GAS7: variants seen among roughly 807,000 people sequenced by gnomAD.
GAS7 encodes the protein growth arrest-specific protein 7.
Under a neutral mutation model 71.1 loss-of-function variants are expected in GAS7, and 28 were observed. The ratio of observed to expected loss-of-function variants is 0.39; its 90% CI spans 0.29 to 0.54. The LOEUF is 0.54. GAS7 is among the 20% of genes least tolerant of loss of function. GAS7 has a pLI of 0.62. For synonymous variants in GAS7, 258 were observed against 245.8 expected, an observed-to-expected ratio of 1.05 and a Z score of -0.46; for missense variants, 436 against 627.8, an observed-to-expected ratio of 0.69 and a Z score of 3.27.
At chr17:9,986,780 G>C (rs1403624446) in intron 2 of GAS7, among the ~76,000 whole-genome samples, 1 of 152,208 alleles carries the variant, frequency 6.6e-6, no homozygotes, top group East Asian at 1.9e-4. Flanking sequence ...CAGGGACGAT[G>C]CAGCTGCCTG....
At chr17:9,924,257 T>C (rs899631050) in intron 11 of GAS7, among the ~76,000 whole-genome samples, 1 of 152,228 alleles carries the variant, frequency 6.6e-6, no homozygotes, top group African/African-American at 2.4e-5. Flanking sequence ...CACCGCAGCC[T>C]TAACCTCCTG....
At chr17:10,129,385 A>C (rs2073978464) in intron 1 of GAS7, among the ~76,000 whole-genome samples, 1 of 152,128 alleles carries the variant, frequency 6.6e-6, no homozygotes, top group Non-Finnish European at 1.5e-5. Context: ...AGGTTTAAAA[A>C]TTAGCTGGGC....
rs11651891 is a variant in GAS7, at chr17:9,926,349, G to A, written c.1014+292C>T. Among the ~76,000 whole-genome samples the A allele has an allele frequency of 2.6e-5, 4 of 152,158 alleles. No homozygotes were observed. The highest frequency in any genetic ancestry group is 1.9e-4 in the East Asian group (1 of 5,160). On this transcript the variant is annotated intron_variant, in intron 10 of 13. Coordinates refer to ENST00000432992, the MANE Select transcript of GAS7 (RefSeq NM_201433.2). This position sits in a 1 kb window ranked among gnomAD's most constrained non-coding sequence, Gnocchi z 5.0. ...AACCAGCAGCAGCACTGCTAGGCTC[G>A]GGGTTTAACTGGTCGCCAACAGCCA... is the stretch of plus-strand genomic sequence containing the variant.
chr17:10,141,957 A>T (rs921664245), intron 1 of GAS7, among the ~76,000 whole-genome samples: 1 of 146,402 alleles, frequency 6.8e-6, no homozygotes, highest in Non-Finnish European at 1.5e-5. Flanking sequence ...GGCCGGGCGC[A>T]ATGGCTCACG....
intron 9 of GAS7, among the ~76,000 whole-genome samples, chr17:9,930,746 T>G (rs148993233): frequency 6.6e-6 from 1 of 152,242 alleles, no homozygotes; most frequent in Non-Finnish European, 1.5e-5. Context: ...AAACGGTTTT[T>G]GGCATATGGA....
chr17:9,942,071 G>T (rs1285584690), intron 7 of GAS7, among the ~76,000 whole-genome samples: 3 of 152,100 alleles, frequency 2.0e-5, no homozygotes, highest in Admixed American at 2.0e-4. Context: ...TGGCCAACAT[G>T]GTGAAACCCC....
At chr17:10,006,316 CTTTTTTTTTTTTTTTTTTT>C (rs1168698479) in intron 2 of GAS7, among the ~76,000 whole-genome samples, 1 of 65,610 alleles carries the variant, frequency 1.5e-5, no homozygotes, top group African/African-American at 5.3e-5. Flanking sequence ...GCCCCAGATT[CTTTTTTTTTTTTTTTTTTT>C]TTTTTTTTTT....
chr17:10,025,947 T>C (rs576553052), intron 1 of GAS7, among the ~76,000 whole-genome samples: 2 of 152,308 alleles, frequency 1.3e-5, no homozygotes, highest in South Asian at 2.1e-4. Flanking sequence ...AGAAAAAGAT[T>C]CTGTTCCATT....
intron 5 of GAS7, among the ~76,000 whole-genome samples, chr17:9,954,492 G>A (rs1340700871): frequency 7.4e-6 from 1 of 135,314 alleles, no homozygotes; most frequent in Non-Finnish European, 1.6e-5. Flanking sequence ...GGGGTGGGGG[G>A]TCATGATAGC....
intron 2 of GAS7, among the ~76,000 whole-genome samples, chr17:9,989,637 C>G (rs1364758702): frequency 6.6e-6 from 1 of 151,948 alleles, no homozygotes; most frequent in Non-Finnish European, 1.5e-5. Flanking sequence ...TCTTGGTACA[C>G]ACTAAGGAGA....
intron 1 of GAS7, chr17:10,059,672 G>C (rs561916579): frequency 2.0e-6 from 2 of 983,948 alleles, no homozygotes; most frequent in South Asian, 9.4e-5. Flanking sequence ...ATAACCAGCA[G>C]AGCCCTGGTT....
At chr17:10,038,607 A>G (rs1256303839) in intron 1 of GAS7, among the ~76,000 whole-genome samples, 2 of 152,164 alleles carry the variant, frequency 1.3e-5, no homozygotes, top group Non-Finnish European at 2.9e-5. Context: ...TCATGGCAAC[A>G]TTATTCACAA....
At chr17:9,929,766 T>G (rs1470310943) in intron 9 of GAS7, among the ~76,000 whole-genome samples, 11 of 152,142 alleles carry the variant, frequency 7.2e-5, no homozygotes, top group Non-Finnish European at 1.5e-5. Context: ...TGTGAGCCAC[T>G]GTGCCCGACG....
intron 1 of GAS7, chr17:10,036,617 G>T (rs1369049753): frequency 4.8e-6 from 7 of 1,449,954 alleles, no homozygotes; most frequent in Non-Finnish European, 6.3e-6. Context: ...CCCAGCGGAG[G>T]TTCCTGTGGC....
chr17:9,950,905 T>C (rs575800098), intron 5 of GAS7, among the ~76,000 whole-genome samples: 4 of 151,028 alleles, frequency 2.6e-5, no homozygotes, highest in Non-Finnish European at 5.9e-5. Flanking sequence ...ATTAGCACTG[T>C]GATGGATTAA....
intron 7 of GAS7, among the ~76,000 whole-genome samples, chr17:9,941,595 GCGTTTT>G (rs2068605288): frequency 6.6e-6 from 1 of 152,184 alleles, no homozygotes; most frequent in African/African-American, 2.4e-5. Context: ...GATGGTGTAT[GCGTTTT>G]CTCTAGGAAG....
At chr17:9,958,956 G>C in intron 5 of GAS7, 1 of 1,396,712 alleles carries the variant, frequency 7.2e-7, no homozygotes, top group Non-Finnish European at 9.3e-7. Flanking sequence ...AACGGCTTCT[G>C]CATCATCCCA....
intron 11 of GAS7, among the ~76,000 whole-genome samples, chr17:9,920,997 G>A (rs551912029): frequency 3.9e-5 from 6 of 152,030 alleles, no homozygotes; most frequent in Non-Finnish European, 8.8e-5. Flanking sequence ...CCCTAGCTAT[G>A]CCACACACCA....
chr17:9,999,181 A>G (rs776094126), intron 2 of GAS7, among the ~76,000 whole-genome samples: 1 of 152,328 alleles, frequency 6.6e-6, no homozygotes, highest in East Asian at 1.9e-4. Context: ...ACTAATCTGT[A>G]TATAGAAGAC....
Sources: allele counts gnomAD v4.1 joint callset (sites outside exome capture counted in the v4.1 genomes callset), GRCh38; gene constraint gnomAD v4.1.1; non-coding constraint Gnocchi (gnomAD v3.1); transcripts MANE v1.5; gene names NCBI Gene and HGNC (gene_info 2026-07-23, HGNC 2026-07-21).